LACC1: variants seen among roughly 807,000 people sequenced by gnomAD.
The protein encoded by LACC1 is purine nucleoside phosphorylase LACC1.
In LACC1, 25 loss-of-function variants were observed where a neutral mutation model predicts 34.8. That is an observed-to-expected ratio of 0.72 (90% CI 0.52 to 1.00). The LOEUF is 1.00. Among genes scored for constraint, LACC1 ranks in the 50% least tolerant of loss-of-function variants. The pLI, the probability that LACC1 is intolerant of heterozygous loss-of-function variation, is 0.00. For synonymous variants in LACC1, 162 were observed against 168.0 expected (o/e 0.96, Z 0.28); for missense variants, 426 against 511.2 (o/e 0.83, Z 1.61).
intron 5 of LACC1, 151 bp from the exon 6 acceptor site, chr13:43,889,953 TCCCTGACTAG>T: frequency 1.7e-6 from 1 of 577,812 alleles, no homozygotes; most frequent in Non-Finnish European, 3.0e-6. Context: ...AGCATTTTTT[TCCCTGACTAG>T]TCCATGTTCT....
In LACC1 at chr13:43,893,466, A is replaced by C. The variant is rs548934917; in HGVS notation, c.*2019A>C. The C allele has an allele frequency of 1.7e-4, 26 of 152,138 alleles. No individual in the cohort carries two copies. In the South Asian group the frequency reaches 4.8e-3, roughly 28 times the overall value. 9.4% of individuals were successfully genotyped at this position (152,138 alleles called of 1,614,324 possible). ...TTTTGTTAACATAATTTATTCATAC[A>C]TTCAGTGAAAATTTTGTTGAGGTAC... is the stretch of plus-strand genomic sequence containing the variant. On this transcript the variant is annotated 3_prime_UTR_variant, in exon 7 of 7. Transcript: ENST00000325686.
At chr13:43,880,490 C>T (rs971698398) in intron 1 of LACC1, among the ~76,000 whole-genome samples, 12 of 152,230 alleles carry the variant, frequency 7.9e-5, no homozygotes, top group African/African-American at 2.9e-4. Flanking sequence ...TTAGCCATCT[C>T]AGCTTTTATC....
At chr13:43,883,400 A>G (rs959971096) in intron 3 of LACC1, among the ~76,000 whole-genome samples, 2 of 152,216 alleles carry the variant, frequency 1.3e-5, no homozygotes, top group African/African-American at 4.8e-5. Flanking sequence ...GAGTCTTGGA[A>G]AAGTAAAAGT....
chr13:43,882,509 A>G, intron 3 of LACC1, 146 bp downstream of exon 3: 1 of 548,636 alleles, frequency 1.8e-6, no homozygotes, highest in Non-Finnish European at 3.1e-6. Context: ...TCTTAGATTT[A>G]TACACCATAG....
upstream of LACC1, chr13:43,879,780 A>AGGCGGGGCGAGGCGG (rs1489816578): frequency 3.3e-5 from 3 of 90,960 alleles, no homozygotes; most frequent in African/African-American, 7.5e-5. Flanking sequence ...GGGCGAGGTG[A>AGGCGGGGCGAGGCGG]GGCGGGGCGA....
chr13:43,890,344 T>C, intron 6 of LACC1, 70 bp downstream of exon 6: 2 of 1,290,006 alleles, frequency 1.6e-6, no homozygotes, highest in Non-Finnish European at 1.1e-6. Flanking sequence ...CTCCCTCCCT[T>C]TCTCTTTCTT....
chr13:43,888,015 T>G (rs1955407481), intron 4 of LACC1, among the ~76,000 whole-genome samples: 3 of 152,140 alleles, frequency 2.0e-5, no homozygotes, highest in Non-Finnish European at 4.4e-5. Flanking sequence ...GATAACACGA[T>G]TATTCGCAAT....
intron 4 of LACC1, among the ~76,000 whole-genome samples, chr13:43,886,632 A>G (rs980544791): frequency 1.3e-5 from 2 of 152,136 alleles, no homozygotes; most frequent in African/African-American, 4.8e-5. Flanking sequence ...TGACGACTGA[A>G]GAACTGTCTG....
intron 1 of LACC1, among the ~76,000 whole-genome samples, chr13:43,880,647 C>T (rs1594881893): frequency 6.6e-6 from 1 of 152,218 alleles, no homozygotes; most frequent in South Asian, 2.1e-4. Flanking sequence ...AAAAACAGGA[C>T]TTTGTCTAAA....
Position 43,891,478 on chromosome 13 carries a change from T to C in LACC1, c.*31T>C. On this transcript the variant is annotated 3_prime_UTR_variant, in exon 7 of 7. Transcript: ENST00000325686. ...TTGACTGGATTTTTGTATAACTGCT[T>C]CCTGCCTCCTTCCAAACTGACTGCA... The C allele has an allele frequency of 1.0e-6, 1 of 984,886 alleles. No homozygotes were observed. Among genetic ancestry groups the C allele is most frequent in the Non-Finnish European group, 1.2e-6 (1 of 829,298 alleles). 61.0% of individuals were successfully genotyped at this position (984,886 alleles called of 1,614,324 possible). A position where few individuals can be genotyped will look rare whatever the true frequency, so the allele number is the denominator to read the frequency against.
At position 43,891,942 on chromosome 13, in the gene LACC1, A is replaced by G. The variant is rs1369393567; in HGVS notation, c.*495A>G. On this transcript the variant is annotated 3_prime_UTR_variant, in exon 7 of 7. Coordinates refer to ENST00000325686, the MANE Select transcript of LACC1 (RefSeq NM_153218.4). The stretch of plus-strand genomic sequence containing the variant: ...GGATAGAGAAAATATTACAGAGAAA[A>G]TCACATATCACATGGGCTCGAAAGA... 2 of 152,182 alleles carry G rather than the reference A, an allele frequency of 1.3e-5. No homozygotes were observed. Among genetic ancestry groups the G allele is most frequent in the Non-Finnish European group, 2.9e-5 (2 of 68,012 alleles). The allele number at this position is 152,182 out of a possible 1,614,324, so 9.4% of individuals were successfully genotyped here.
intron 4 of LACC1, among the ~76,000 whole-genome samples, chr13:43,886,263 C>A (rs1413533957): frequency 6.6e-6 from 1 of 152,078 alleles, no homozygotes; most frequent in Admixed American, 6.6e-5. Flanking sequence ...TGGGTATATA[C>A]CCAAAGGAAT....
Position 43,885,579 on chromosome 13 carries a change from T to C in LACC1, c.907+1643T>C, listed in dbSNP as rs567474723. 5.3e-5 allele frequency among the ~76,000 whole-genome samples: 8 copies of C among 152,294 alleles called. No homozygotes were observed. In the South Asian group the frequency reaches 1.5e-3, roughly 28 times the overall value. On this transcript the variant is annotated intron_variant, in intron 4 of 6. Transcript: ENST00000325686. ...ATGTAGGAAATTGATACTAGATCCC[T>C]TCCTTTCACCATATACAAAAACTAA...
Position 43,881,284 on chromosome 13 carries a change from T to G in LACC1, c.299T>G (p.Leu100Arg). ...AAACAGAAAATTGATGAAAAAAATC[T>G]GAGCAGCATTAAGGTAATTGTACCC... ...TIKQKIDEKN[L>R]SSIKVIVPRH... Residue 100 changes from leucine to arginine, a missense_variant, in exon 2 of 7, where the codon CTG becomes CGG. Around this residue, in one of 2 missense-constraint regions of LACC1, gnomAD observed 217 missense variants for 210.9 expected, o/e 1.03. Transcript: ENST00000325686. 6.2e-7 allele frequency: 1 copy of G among 1,614,218 alleles called. No individual in the cohort carries two copies. Among genetic ancestry groups the G allele is most frequent in the Non-Finnish European group, 8.5e-7 (1 of 1,180,036 alleles).
chr13:43,881,047 A>G lies in LACC1; in HGVS notation c.62A>G (p.His21Arg). The change falls in exon 2 of 7, where the codon CAT becomes CGT. Residue 21 changes from histidine to arginine, a missense_variant. This residue lies in a region of LACC1 where 217 missense variants were observed against 210.9 expected (regional missense o/e 1.03). Transcript: ENST00000325686. ...AAATTGAACTCTCAAAAAAACTGCCATCAGACATTACTGAAGACTTTGAAT... is the reference window on the plus strand; with the variant it reads ...AAATTGAACTCTCAAAAAAACTGCCGTCAGACATTACTGAAGACTTTGAAT... ...GLKLNSQKNC[H>R]QTLLKTLNAV... The G allele has an allele frequency of 1.9e-6, 3 of 1,614,210 alleles. No homozygotes were observed. The highest frequency in any genetic ancestry group is 2.5e-6 in the Non-Finnish European group (3 of 1,180,022).
chr13:43,890,851 ACAG>A (rs1212439710), intron 6 of LACC1, among the ~76,000 whole-genome samples: 3 of 152,228 alleles, frequency 2.0e-5, no homozygotes, highest in Admixed American at 6.5e-5. Flanking sequence ...TGTGGGACAT[ACAG>A]TATATCTCAG....
intron 4 of LACC1, among the ~76,000 whole-genome samples, chr13:43,886,661 A>G (rs1394074765): frequency 6.6e-6 from 1 of 152,150 alleles, no homozygotes; most frequent in Admixed American, 6.5e-5. Context: ...TATGTCCACT[A>G]CTTGGGTGAT....
chr13:43,887,202 C>T (rs936718471), intron 4 of LACC1, among the ~76,000 whole-genome samples: 1 of 152,142 alleles, frequency 6.6e-6, no homozygotes, highest in Non-Finnish European at 1.5e-5. Flanking sequence ...TTGATGTCTT[C>T]ATTCTGTACT....
intron 6 of LACC1, 62 bp downstream of exon 6, chr13:43,890,336 C>T (rs1041792329): frequency 6.7e-6 from 9 of 1,341,266 alleles, no homozygotes; most frequent in Non-Finnish European, 9.2e-6. Context: ...CTCCACTTCT[C>T]CCTCCCTTTC....
Sources: gnomAD v4.1 joint callset for allele counts (sites outside exome capture counted in the v4.1 genomes callset) on GRCh38, gnomAD v4.1.1 for gene constraint, gnomAD v4.1.1 regional missense constraint, MANE v1.5 for transcripts, NCBI Gene and HGNC (gene_info 2026-07-23, HGNC 2026-07-21) for gene names.